The following SEMA3C variants were observed in gnomAD, a reference collection of about 807,000 sequenced individuals.
The protein encoded by SEMA3C is semaphorin-3C.
Under a neutral mutation model 89.4 loss-of-function variants are expected in SEMA3C, and 47 were observed. The observed-to-expected ratio is 0.53, with a 90% CI of 0.42 to 0.67. The LOEUF (loss-of-function observed/expected upper bound fraction) is 0.67, where lower values mean the gene tolerates loss of function less well. Among genes scored for constraint, SEMA3C ranks in the 30% least tolerant of loss-of-function variants. The pLI, the probability that SEMA3C is intolerant of heterozygous loss-of-function variation, is 0.00. For synonymous variants in SEMA3C, 310 were observed against 320.2 expected, an observed-to-expected ratio of 0.97 and a Z score of 0.34; for missense variants, 839 against 929.1, an observed-to-expected ratio of 0.90 and a Z score of 1.26.
chr7:80,893,239 T>G (rs1406977459), intron 2 of SEMA3C, among the ~76,000 whole-genome samples: 1 of 152,202 alleles, frequency 6.6e-6, no homozygotes, highest in African/African-American at 2.4e-5. Flanking sequence ...TTTGGACAGT[T>G]CATGAGCCAG....
chr7:80,744,704 G>T lies in SEMA3C; in HGVS notation c.*190C>A. The T allele has an allele frequency of 1.6e-6, 1 of 622,044 alleles. No individual in the cohort carries two copies. Among genetic ancestry groups the T allele is most frequent in the Non-Finnish European group, 2.8e-6 (1 of 352,914 alleles). 38.5% of individuals were successfully genotyped at this position (622,044 alleles called of 1,614,324 possible). A position where few individuals can be genotyped will look rare whatever the true frequency, so the allele number is the denominator to read the frequency against. On this transcript the variant is annotated 3_prime_UTR_variant, in exon 18 of 18. Transcript: ENST00000265361. ...TATTTATATGCACCATGAGGACCAT[G>T]ACATGTCTAGTGCTAGTCACTATCA...
At chr7:80,755,295 C>T (rs1788040514) in intron 15 of SEMA3C, among the ~76,000 whole-genome samples, 1 of 150,356 alleles carries the variant, frequency 6.7e-6, no homozygotes. Flanking sequence ...GAAAGGATAC[C>T]TGGGGTTGTA....
At chr7:80,806,890 C>T (rs114755920) in intron 6 of SEMA3C, among the ~76,000 whole-genome samples, 213 of 152,106 alleles carry the variant, frequency 1.4e-3, no homozygotes, top group African/African-American at 4.7e-3. Flanking sequence ...CAGTACCAGT[C>T]GGCCCAGCAT....
intron 2 of SEMA3C, among the ~76,000 whole-genome samples, chr7:80,864,202 A>T (rs1583956204): frequency 6.6e-6 from 1 of 151,894 alleles, no homozygotes; most frequent in East Asian, 1.9e-4. Context: ...TGAGGATGCA[A>T]AGGCGTTAAG....
intron 17 of SEMA3C, among the ~76,000 whole-genome samples, chr7:80,745,733 G>A (rs548780213): frequency 2.0e-5 from 3 of 151,916 alleles, no homozygotes; most frequent in East Asian, 1.9e-4. Flanking sequence ...AAAAATACTC[G>A]CCAGTGAAAA....
At chr7:80,888,572 A>G (rs1281150857) in intron 2 of SEMA3C, among the ~76,000 whole-genome samples, 2 of 152,228 alleles carry the variant, frequency 1.3e-5, no homozygotes, top group South Asian at 2.1e-4. Context: ...TAGGAGACAT[A>G]CATAAAATAT....
chr7:80,823,138 C>T (rs1417589731), intron 4 of SEMA3C, among the ~76,000 whole-genome samples: 2 of 151,864 alleles, frequency 1.3e-5, no homozygotes, highest in African/African-American at 4.8e-5. Context: ...AAGAATATAC[C>T]CTAAATTGTT....
At chr7:80,860,562 T>C (rs1409790217) in intron 2 of SEMA3C, among the ~76,000 whole-genome samples, 3 of 152,160 alleles carry the variant, frequency 2.0e-5, no homozygotes, top group African/African-American at 7.2e-5. Context: ...ACAGAGACAT[T>C]ATCCTGTTTC....
At chr7:80,833,871 A>G (rs1427892800) in intron 2 of SEMA3C, among the ~76,000 whole-genome samples, 2 of 152,166 alleles carry the variant, frequency 1.3e-5, no homozygotes, top group African/African-American at 4.8e-5. Flanking sequence ...ACATAGATCC[A>G]ATTTAAGTAA....
At chr7:80,793,800 T>C (rs1788998502) in intron 11 of SEMA3C, among the ~76,000 whole-genome samples, 1 of 132,844 alleles carries the variant, frequency 7.5e-6, no homozygotes, top group Non-Finnish European at 1.7e-5. Context: ...GAAGACAGAT[T>C]GCAGAAAATA....
rs1218885274 is a variant in SEMA3C, at chr7:80,872,797, CAAAAAAA to C, written c.103+43875_103+43881del. On this transcript the variant is annotated intron_variant, in intron 2 of 17. Transcript: ENST00000265361. Reference sequence around the variant, plus strand: ...GCCTGGCAACAGAGCGAGACTCTGTCAAAAAAAAAAAAAAAAAAAAAAAAGATTGCTG... The same window carrying C: ...GCCTGGCAACAGAGCGAGACTCTGTCAAAAAAAAAAAAAAAAAGATTGCTG... Among the ~76,000 whole-genome samples the C allele has an allele frequency of 0.025, 997 of 40,090 alleles. 48 individuals carry two copies. The East Asian group carries it at 0.29, about 12-fold the overall frequency. 26.3% of individuals were successfully genotyped at this position (40,090 alleles called of 152,430 possible).
intron 15 of SEMA3C, 80 bp from the exon 16 acceptor site, chr7:80,751,416 A>T (rs1468882274): frequency 6.0e-5 from 77 of 1,282,272 alleles, no homozygotes; most frequent in Non-Finnish European, 3.9e-5. Context: ...GTAATTTTAA[A>T]CTTTGCACCC....
chr7:80,838,588 C>A (rs1412367175), intron 2 of SEMA3C, among the ~76,000 whole-genome samples: 1 of 152,124 alleles, frequency 6.6e-6, no homozygotes, highest in African/African-American at 2.4e-5. Context: ...AGTCCATTTT[C>A]ACACTGCTAC....
chr7:80,920,336 A>G (rs1270798102), upstream of SEMA3C, among the ~76,000 whole-genome samples: 1 of 152,222 alleles, frequency 6.6e-6, no homozygotes, highest in Non-Finnish European at 1.5e-5. Flanking sequence ...GTCACTCTAC[A>G]GAAGGAACGT....
intron 16 of SEMA3C, among the ~76,000 whole-genome samples, chr7:80,750,079 AT>A (rs1009037863): frequency 1.4e-4 from 22 of 152,090 alleles, no homozygotes; most frequent in African/African-American, 4.6e-4. Context: ...AAAGAATGCC[AT>A]TTTTTACTAA....
intron 5 of SEMA3C, among the ~76,000 whole-genome samples, chr7:80,815,056 A>C (rs2115740852): frequency 6.6e-6 from 1 of 152,326 alleles, no homozygotes; most frequent in Non-Finnish European, 1.5e-5. Context: ...GTAGCCTTTA[A>C]AGCTTTTAAG....
chr7:80,765,247 A>C lies in SEMA3C; in HGVS notation c.1355-4T>G, dbSNP rs769275964. On this transcript the variant is annotated splice_region_variant and splice_polypyrimidine_tract_variant and intron_variant, in intron 12 of 17. Coordinates refer to ENST00000265361, the MANE Select transcript of SEMA3C (RefSeq NM_006379.5). ...ACTTTTTGCACAGTACCCCGATCTA[A>C]ATTAAAAAAAGAAGAAATGAGATGT... 1.9e-6 allele frequency: 3 copies of C among 1,605,132 alleles called. No individual in the cohort carries two copies. In the Admixed American group the frequency reaches 5.0e-5, roughly 27 times the overall value.
intron 12 of SEMA3C, among the ~76,000 whole-genome samples, chr7:80,780,662 T>C (rs1196204065): frequency 1.3e-5 from 2 of 152,154 alleles, no homozygotes; most frequent in Admixed American, 6.5e-5. Flanking sequence ...GGTGGGCAGA[T>C]GGCTTGAGCC....
At chr7:80,814,316 C>T (rs1433129142) in intron 5 of SEMA3C, among the ~76,000 whole-genome samples, 3 of 151,978 alleles carry the variant, frequency 2.0e-5, no homozygotes, top group African/African-American at 7.2e-5. Context: ...TCTTGATCTC[C>T]TGACGTCATG....
Sources: allele counts gnomAD v4.1 joint callset (sites outside exome capture counted in the v4.1 genomes callset), GRCh38; gene constraint gnomAD v4.1.1; transcripts MANE v1.5; gene names NCBI Gene and HGNC (gene_info 2026-07-23, HGNC 2026-07-21).